FGF14: variants seen among roughly 807,000 people sequenced by gnomAD.
The protein encoded by FGF14 is fibroblast growth factor homologous factor 4.
In FGF14, 5 loss-of-function variants were observed where a neutral mutation model predicts 25.5. The ratio of observed to expected loss-of-function variants is 0.20; its 90% CI spans 0.10 to 0.41. The LOEUF (loss-of-function observed/expected upper bound fraction) is 0.41. Ranked by LOEUF, FGF14 falls within the 10% of genes least tolerant of loss-of-function variation. FGF14 has a pLI of 1.00. For synonymous variants in FGF14, 138 were observed against 118.3 expected (o/e 1.17, Z -1.08); for missense variants, 222 against 320.1 (o/e 0.69, Z 2.34).
chr13:102,152,469 A>T (rs2047128955), intron 1 of FGF14, among the ~76,000 whole-genome samples: 2 of 152,146 alleles, frequency 1.3e-5, no homozygotes, highest in Admixed American at 1.3e-4. Context: ...CTGTGTCATG[A>T]TCTCTTCTCA....
At chr13:101,947,929 T>C (rs1274202060) in intron 1 of FGF14, among the ~76,000 whole-genome samples, 1 of 152,212 alleles carries the variant, frequency 6.6e-6, no homozygotes, top group African/African-American at 2.4e-5. Context: ...AACAAGACTT[T>C]TAAAAACAGA....
At chr13:101,780,253 C>T (rs1016886192) in intron 3 of FGF14, among the ~76,000 whole-genome samples, 4 of 152,298 alleles carry the variant, frequency 2.6e-5, no homozygotes, top group South Asian at 2.1e-4. Flanking sequence ...TTGTAAAATA[C>T]TACAAACTGT....
At chr13:101,992,242 T>TG (rs1242127250) in intron 1 of FGF14, among the ~76,000 whole-genome samples, 7 of 152,002 alleles carry the variant, frequency 4.6e-5, no homozygotes, top group Non-Finnish European at 8.8e-5. Flanking sequence ...CCAAAGCAAT[T>TG]GGGGGGTGGG....
intron 1 of FGF14, among the ~76,000 whole-genome samples, chr13:102,130,406 A>T (rs765174005): frequency 6.6e-5 from 10 of 151,912 alleles, no homozygotes; most frequent in Non-Finnish European, 1.3e-4. Flanking sequence ...GATGGGTTGA[A>T]CCTTTCACGT....
At chr13:102,402,048 GAA>G (rs71840194), upstream of FGF14, 6 of 106,938 alleles carry the variant, frequency 5.6e-5, no homozygotes, top group Non-Finnish European at 9.6e-5. Context: ...AGGAGAGAAG[GAA>G]AAAAAAAAAA....
At chr13:101,724,597 AATATATATATATATATATATATAT>A (rs201033233) in intron 4 of FGF14, among the ~76,000 whole-genome samples, 1 of 121,282 alleles carries the variant, frequency 8.2e-6, no homozygotes, top group Middle Eastern at 4.8e-3. Flanking sequence ...ATAATAATAA[AATATATATATATATATATATATAT>A]ATATATATAT....
chr13:101,732,610 T>C (rs1189524768), intron 3 of FGF14, among the ~76,000 whole-genome samples: 4 of 152,168 alleles, frequency 2.6e-5, no homozygotes, highest in Non-Finnish European at 5.9e-5. Flanking sequence ...CAAGTCCAAG[T>C]TCTTACTTTG....
At chr13:101,801,928 T>C in intron 3 of FGF14, 2 of 437,354 alleles carry the variant, frequency 4.6e-6, no homozygotes, top group Non-Finnish European at 9.0e-6. Flanking sequence ...CTGCTTGTGC[T>C]CTCTTTGTGC....
chr13:101,852,811 G>T (rs2043925906), intron 3 of FGF14, among the ~76,000 whole-genome samples: 1 of 152,010 alleles, frequency 6.6e-6, no homozygotes, highest in African/African-American at 2.4e-5. Flanking sequence ...TTGCTTAGTG[G>T]ATAATAATTG....
At chr13:101,931,621 C>T (rs2034755569) in intron 1 of FGF14, among the ~76,000 whole-genome samples, 1 of 152,160 alleles carries the variant, frequency 6.6e-6, no homozygotes, top group Admixed American at 6.5e-5. Context: ...TAGCACTGTG[C>T]TTGGCCCACA....
intron 1 of FGF14, among the ~76,000 whole-genome samples, chr13:102,283,941 T>C (rs2141227587): frequency 6.6e-6 from 1 of 152,312 alleles, no homozygotes; most frequent in Admixed American, 6.5e-5. Flanking sequence ...AATGCATATA[T>C]ATGTCAGTAC....
intron 1 of FGF14, among the ~76,000 whole-genome samples, chr13:102,290,325 C>T (rs1221051242): frequency 3.9e-5 from 6 of 152,144 alleles, no homozygotes; most frequent in Non-Finnish European, 5.9e-5. Context: ...TGAGCCCTCA[C>T]CAGACACCTA....
intron 1 of FGF14, among the ~76,000 whole-genome samples, chr13:102,328,033 G>A (rs2056517735): frequency 6.7e-6 from 1 of 149,116 alleles, no homozygotes; most frequent in Non-Finnish European, 1.5e-5. Context: ...ATTCTTCACT[G>A]CTATGAAAAG....
intron 1 of FGF14, among the ~76,000 whole-genome samples, chr13:101,876,276 G>T (rs1216853692): frequency 6.6e-6 from 1 of 152,180 alleles, no homozygotes; most frequent in Non-Finnish European, 1.5e-5. Context: ...TAGATTGGAT[G>T]TGGGACATCA....
chr13:102,081,030 T>C (rs531839010), intron 1 of FGF14, among the ~76,000 whole-genome samples: 1 of 152,320 alleles, frequency 6.6e-6, no homozygotes, highest in South Asian at 2.1e-4. Context: ...CCTGAAACCT[T>C]CTTCTCACAT....
Position 101,916,838 on chromosome 13 carries a change from G to A in FGF14, c.-193C>T, listed in dbSNP as rs2033564169. 2.0e-5 allele frequency among the ~76,000 whole-genome samples: 3 copies of A among 152,260 alleles called. No individual in the cohort carries two copies. In the South Asian group the frequency reaches 6.2e-4, roughly 32 times the overall value. On this transcript the variant is annotated 5_prime_UTR_variant, in exon 1 of 5. Transcript: ENST00000376143. Reference sequence around the variant, plus strand: ...CATCGCCCTCTCCGCGGGGCGCGGGGCCAGGCGCGCAGATGCGCCCAGGGC... The same window carrying A: ...CATCGCCCTCTCCGCGGGGCGCGGGACCAGGCGCGCAGATGCGCCCAGGGC...
intron 3 of FGF14, among the ~76,000 whole-genome samples, chr13:101,734,418 T>C (rs770849692): frequency 1.3e-5 from 2 of 152,240 alleles, no homozygotes; most frequent in Non-Finnish European, 2.9e-5. Context: ...AATAAAAATG[T>C]GTCCCAACTT....
intron 3 of FGF14, among the ~76,000 whole-genome samples, chr13:101,765,670 A>G (rs2038337222): frequency 1.3e-5 from 2 of 151,974 alleles, no homozygotes; most frequent in Non-Finnish European, 2.9e-5. Flanking sequence ...TATGTGAAAC[A>G]AATCCTCTGT....
chr13:102,258,568 C>T (rs2052560926), intron 1 of FGF14, among the ~76,000 whole-genome samples: 1 of 152,096 alleles, frequency 6.6e-6, no homozygotes, highest in Non-Finnish European at 1.5e-5. Context: ...GCCCCCATAC[C>T]TTCAGTCTGG....
Sources: allele counts gnomAD v4.1 joint callset (sites outside exome capture counted in the v4.1 genomes callset), GRCh38; gene constraint gnomAD v4.1.1; transcripts MANE v1.5; gene names NCBI Gene and HGNC (gene_info 2026-07-23, HGNC 2026-07-21).